Variants in CEP170B observed in about 807,000 individuals in gnomAD.
CEP170B encodes the protein centrosomal protein of 170 kDa protein B.
Under a neutral mutation model 120.6 loss-of-function variants are expected in CEP170B, and 55 were observed. The observed-to-expected ratio is 0.46, with a 90% CI of 0.37 to 0.57. The LOEUF (loss-of-function observed/expected upper bound fraction) is 0.57. CEP170B is among the 20% of genes least tolerant of loss of function. CEP170B has a pLI of 0.00. For synonymous variants in CEP170B, 1,033 were observed against 954.5 expected (o/e 1.08, Z -1.52); for missense variants, 2,212 against 2,253.3 (o/e 0.98, Z 0.37).
rs766704940 is a variant in CEP170B at position 104,887,628 on chromosome 14, G to A, written c.3389G>A (p.Arg1130Gln). ...PTRASRLRRA[R>Q]LGDASDTEAA... ...CGGGCCTCCCGGCTGAGGCGGGCCC[G>A]GCTGGGGGACGCTTCAGACACTGAG... The change falls in exon 12 of 19, where the codon CGG becomes CAG. Residue 1130 changes from arginine to glutamine, a missense_variant. Transcript: ENST00000414716. The A allele has an allele frequency of 4.8e-5, 75 of 1,559,974 alleles. No homozygotes were observed. Among genetic ancestry groups the A allele is most frequent in the Non-Finnish European group, 5.9e-5 (68 of 1,155,120 alleles).
chr14:104,886,075 G>A lies in CEP170B; in HGVS notation c.1980G>A (p.Lys660=). ...TGCCGGGCTCCCCTGGGGGTCAGAA[G>A]TGGGTGTCCCGCTGGGCCAGCCTGG... ...LPVPGSPGGQ[K]WVSRWASLAD... The change falls in exon 11 of 19, where the codon AAG becomes AAA. Residue 660 remains lysine (K), a synonymous_variant. Transcript: ENST00000414716. 1 of 1,546,978 alleles carries A rather than the reference G, an allele frequency of 6.5e-7. No individual in the cohort carries two copies. Among genetic ancestry groups the A allele is most frequent in the African/African-American group, 1.4e-5 (1 of 73,124 alleles).
chr14:104,893,540 C>G lies in CEP170B; in HGVS notation c.4056C>G (p.Pro1352=). ...TCTTGCAGCTGGTGCAGCGCATCCC[C>G]GAGGCCAGCCTCAACTTCCAGAAGG... ...SAREELVQRI[P]EASLNFQKVP... Residue 1352 remains proline (P), a synonymous_variant, in exon 15 of 19, where the codon CCC becomes CCG. Coordinates refer to ENST00000414716, the MANE Select transcript of CEP170B (RefSeq NM_001112726.3). The G allele has an allele frequency of 1.2e-6, 2 of 1,604,592 alleles. No homozygotes were observed. Among genetic ancestry groups the G allele is most frequent in the Non-Finnish European group, 1.7e-6 (2 of 1,177,088 alleles).
Position 104,870,381 on chromosome 14 carries a change from C to T in CEP170B, c.105+1826C>T, listed in dbSNP as rs1467996234. ...TAAAGACAGGCGGCAGGCCATAGGC[C>T]ACGCCCCACATACCCCACTGCCTCA... is the stretch of plus-strand genomic sequence containing the variant. On this transcript the variant is annotated intron_variant, in intron 2 of 18. Transcript: ENST00000414716. The surrounding 1 kb of genome is among the most constrained non-coding windows in gnomAD (Gnocchi z 4.1). Among the ~76,000 whole-genome samples, 1 of 152,232 alleles carries T rather than the reference C, an allele frequency of 6.6e-6. No homozygotes were observed. The highest frequency in any genetic ancestry group is 1.5e-5 in the Non-Finnish European group (1 of 68,038).
rs1388780177 is a variant in CEP170B, at chr14:104,877,012, CTCTG to C, written c.195+673_195+676del. Among the ~76,000 whole-genome samples the C allele has an allele frequency of 2.8e-4, 42 of 152,274 alleles. No individual in the cohort carries two copies. The East Asian group carries it at 6.6e-3, about 24-fold the overall frequency. On this transcript the variant is annotated intron_variant, in intron 3 of 18. Coordinates refer to ENST00000414716, the MANE Select transcript of CEP170B (RefSeq NM_001112726.3). Reference sequence around the variant, plus strand: ...GTCCCTGAGGTCCCTGTCTGGATGTCTCTGTCTGTTGCTGCGCTTGGCGGACTCC... The same window carrying C: ...GTCCCTGAGGTCCCTGTCTGGATGTCTCTGTTGCTGCGCTTGGCGGACTCC...
At position 104,894,891 on chromosome 14, in the gene CEP170B, C is replaced by A. The variant is rs377209021; in HGVS notation, c.4598C>A (p.Ala1533Asp). The change falls in exon 19 of 19, where the codon GCC (alanine) becomes GAC (aspartate). Residue 1533 changes from alanine (A) to aspartate (D), a missense_variant. Ala to Asp is a moderately radical substitution (Grantham distance 126). Coordinates refer to ENST00000414716, the MANE Select transcript of CEP170B (RefSeq NM_001112726.3). Reference protein sequence around the residue: ...ALPLRNFPQRASCGPPSLPDP... With the variant: ...ALPLRNFPQRDSCGPPSLPDP... The stretch of plus-strand genomic sequence containing the variant: ...CCCCTGAGGAATTTCCCACAGCGGG[C>A]CAGCTGTGGGCCTCCCAGCCTCCCG... 6.2e-7 allele frequency: 1 copy of A among 1,602,526 alleles called. No individual in the cohort carries two copies. Among genetic ancestry groups the A allele is most frequent in the East Asian group, 2.3e-5 (1 of 44,282 alleles).
At position 104,868,674 on chromosome 14, in the gene CEP170B, GC is replaced by G; in HGVS notation, c.105+122del. On this transcript the variant is annotated intron_variant, in intron 2 of 18. Transcript: ENST00000414716. This position sits in a 1 kb window ranked among gnomAD's most constrained non-coding sequence, Gnocchi z 5.9. The stretch of plus-strand genomic sequence containing the variant: ...ACCCTGGCGAGGAGGCCGCCATGCA[GC>G]CCAGGCTGGGCCTCTTAACTTGGGT... 1.0e-6 allele frequency: 1 copy of G among 971,138 alleles called. No individual in the cohort carries two copies. Among genetic ancestry groups the G allele is most frequent in the Non-Finnish European group, 1.5e-6 (1 of 661,620 alleles). 60.2% of individuals were successfully genotyped at this position (971,138 alleles called of 1,614,324 possible). A position where few individuals can be genotyped will look rare whatever the true frequency, so the allele number is the denominator to read the frequency against.
In CEP170B at chr14:104,883,344, G is replaced by A. The variant is rs370520394; in HGVS notation, c.887G>A (p.Arg296Gln). The A allele has an allele frequency of 1.8e-5, 29 of 1,611,122 alleles. 1 individual carries two copies. The highest frequency in any genetic ancestry group is 5.3e-5 in the African/African-American group (4 of 74,840). Residue 296 changes from arginine to glutamine, a missense_variant, in exon 8 of 19, where the codon CGG becomes CAG. Coordinates refer to ENST00000414716, the MANE Select transcript of CEP170B (RefSeq NM_001112726.3). ...HITKFSLRQR[R>Q]PPGKEATPGE... is the part of the protein sequence containing the mutation. Reference sequence around the variant, plus strand: ...ACCAAGTTTTCCCTGCGCCAGCGGCGGCCCCCGGGCAAGGAGGCCACACCT... The same window carrying A: ...ACCAAGTTTTCCCTGCGCCAGCGGCAGCCCCCGGGCAAGGAGGCCACACCT...
chr14:104,886,576 G>T lies in CEP170B; in HGVS notation c.2337G>T (p.Trp779Cys), dbSNP rs1291405484. ...GGAGCCCCCAGGAGGGGCCCACGTG[G>T]AGCAGGGGTCGGCGCTCACCAAGGG... ...RRRSPQEGPT[W>C]SRGRRSPRAP... Residue 779 changes from tryptophan to cysteine, a missense_variant, in exon 12 of 19, where the codon TGG becomes TGT. Trp to Cys is a radical substitution (Grantham distance 215, BLOSUM62 -2). This residue lies in a region of CEP170B where 2,166 missense variants were observed against 2,166.7 expected (regional missense o/e 1.00). Transcript: ENST00000414716. 6.6e-7 allele frequency: 1 copy of T among 1,513,208 alleles called. No individual in the cohort carries two copies. Among genetic ancestry groups the T allele is most frequent in the African/African-American group, 1.4e-5 (1 of 71,786 alleles). The allele number at this position is 1,513,208 out of a possible 1,614,324, so 93.7% of individuals were successfully genotyped here. A position where few individuals can be genotyped will look rare whatever the true frequency, so the allele number is the denominator to read the frequency against.
intron 4 of CEP170B, 93 bp from the exon 5 acceptor site, chr14:104,878,350 G>A (rs927022507): frequency 7.6e-7 from 1 of 1,308,198 alleles, no homozygotes; most frequent in Non-Finnish European, 1.1e-6. Context: ...CTGCCTCGAT[G>A]GGCCCTTGAG....
chr14:104,883,920 G>A lies in CEP170B; in HGVS notation c.1141G>A (p.Gly381Arg), dbSNP rs375604191. 77 of 1,597,312 alleles carry A rather than the reference G, an allele frequency of 4.8e-5. No homozygotes were observed. Among genetic ancestry groups the A allele is most frequent in the Non-Finnish European group, 5.7e-5 (67 of 1,172,526 alleles). ...CGCTGGGGTGCCCTTGGAGGCCAGCGGGGAGCAGGTGCGGCTGCAGAGGCA... is the reference window on the plus strand; with the variant it reads ...CGCTGGGGTGCCCTTGGAGGCCAGCAGGGAGCAGGTGCGGCTGCAGAGGCA... ...SAAGVPLEAS[G>R]EQVRLQRQIK... The change falls in exon 9 of 19, where the codon GGG becomes AGG. Residue 381 changes from glycine to arginine, a missense_variant. Gly to Arg is a moderately radical substitution (Grantham distance 125). Transcript: ENST00000414716.
chr14:104,888,094 G>A (rs1896619416), intron 12 of CEP170B, 116 bp downstream of exon 12: 3 of 1,167,490 alleles, frequency 2.6e-6, no homozygotes, highest in Non-Finnish European at 3.5e-6. Context: ...CACGAGAGGA[G>A]CCTCTGTTCC....
intron 2 of CEP170B, among the ~76,000 whole-genome samples, chr14:104,876,021 C>G (rs1330153872): frequency 6.6e-6 from 1 of 152,086 alleles, no homozygotes; most frequent in Non-Finnish European, 1.5e-5. Context: ...GGGAGCATCT[C>G]TGGGGAGGGC....
chr14:104,894,682 G>A (rs768527128), intron 18 of CEP170B, 29 bp from the exon 19 acceptor site: 14 of 1,569,288 alleles, frequency 8.9e-6, no homozygotes, highest in South Asian at 1.2e-5. Context: ...AACTGGATCC[G>A]CAGCCTGACC....
chr14:104,895,086 C>T lies in CEP170B; in HGVS notation c.*128C>T, dbSNP rs887015632. 10 of 1,119,882 alleles carry T rather than the reference C, an allele frequency of 8.9e-6. No individual in the cohort carries two copies. The highest frequency in any genetic ancestry group is 2.7e-5 in the East Asian group (1 of 37,006). The allele number at this position is 1,119,882 out of a possible 1,614,324, so 69.4% of individuals were successfully genotyped here. ...CCCACATGTGCCATATCCCTGTGGG[C>T]GGGTGCCTCCCACGCCCTTGCCCCC... On this transcript the variant is annotated 3_prime_UTR_variant, in exon 19 of 19. Transcript: ENST00000414716.
chr14:104,894,160 C>A, intron 16 of CEP170B, 125 bp from the exon 17 acceptor site: 1 of 769,470 alleles, frequency 1.3e-6, no homozygotes, highest in Non-Finnish European at 2.2e-6. Context: ...GCCTCAGTTT[C>A]CCCCTTAGGC....
At chr14:104,888,522 T>C (rs550626931) in intron 12 of CEP170B, among the ~76,000 whole-genome samples, 29 of 152,336 alleles carry the variant, frequency 1.9e-4, no homozygotes, top group South Asian at 1.4e-3. Context: ...AGTCCTGCCC[T>C]GCCCCCCAGA....
chr14:104,874,775 C>G (rs1895747863), intron 2 of CEP170B, among the ~76,000 whole-genome samples: 1 of 151,788 alleles, frequency 6.6e-6, no homozygotes, highest in Non-Finnish European at 1.5e-5. Context: ...TGCAGCGCAA[C>G]CACCGTGGCT....
intron 3 of CEP170B, among the ~76,000 whole-genome samples, chr14:104,877,459 C>A (rs1217269940): frequency 6.6e-6 from 1 of 152,184 alleles, no homozygotes; most frequent in Non-Finnish European, 1.5e-5. Flanking sequence ...GGTATCAGAC[C>A]CTCTGAGGCC....
rs775178937 is a variant in CEP170B at position 104,886,957 on chromosome 14, C to T, written c.2718C>T (p.His906=). The stretch of plus-strand genomic sequence containing the variant: ...CCCGGGCCGCACGCATGGACTTCCA[C>T]TCCCAGGACACCCACCTGATCTTGA... ...AATRAARMDF[H]SQDTHLILKE... The change falls in exon 12 of 19, where the codon CAC becomes CAT. Residue 906 remains histidine, a synonymous_variant. Coordinates refer to ENST00000414716, the MANE Select transcript of CEP170B (RefSeq NM_001112726.3). 3.7e-6 allele frequency: 6 copies of T among 1,608,820 alleles called. 1 individual carries two copies. The South Asian group carries it at 6.6e-5, about 18-fold the overall frequency.
Sources: allele counts gnomAD v4.1 joint callset (sites outside exome capture counted in the v4.1 genomes callset), GRCh38; gene constraint gnomAD v4.1.1; regional missense constraint gnomAD v4.1.1; non-coding constraint Gnocchi (gnomAD v3.1); transcripts MANE v1.5; gene names NCBI Gene and HGNC (gene_info 2026-07-23, HGNC 2026-07-21).